PLB1: variants seen among roughly 807,000 people sequenced by gnomAD.
PLB1 encodes phospholipase B1, membrane-associated.
A neutral mutation model predicts 227.4 loss-of-function variants in PLB1; 242 were observed. The observed-to-expected ratio is 1.06, with a 90% CI of 0.96 to 1.18. The LOEUF (loss-of-function observed/expected upper bound fraction) is 1.18. Among genes scored for constraint, PLB1 ranks in the 50% most tolerant of loss-of-function variants. The pLI is 0.00. For missense variants in PLB1, 1,858 were observed against 1,816.3 expected, an observed-to-expected ratio of 1.02 and a Z score of -0.42; for synonymous variants, 757 against 682.2, an observed-to-expected ratio of 1.11 and a Z score of -1.71.
intron 14 of PLB1, among the ~76,000 whole-genome samples, chr2:28,544,932 A>T (rs917622581): frequency 2.6e-5 from 4 of 152,116 alleles, no homozygotes; most frequent in Non-Finnish European, 5.9e-5. Flanking sequence ...GTCCAGGGAG[A>T]GGGCTGGATT....
chr2:28,527,116 A>G (rs1572759545), intron 6 of PLB1, among the ~76,000 whole-genome samples: 1 of 152,216 alleles, frequency 6.6e-6, no homozygotes, highest in South Asian at 2.1e-4. Context: ...GGTGTCTGGG[A>G]AGATAGGATA....
intron 43 of PLB1, among the ~76,000 whole-genome samples, chr2:28,611,264 T>A (rs888250335): frequency 9.2e-5 from 14 of 152,184 alleles, no homozygotes; most frequent in African/African-American, 3.4e-4. Flanking sequence ...CCCCAACCTG[T>A]AGATCTTGTG....
intron 9 of PLB1, among the ~76,000 whole-genome samples, chr2:28,536,663 G>A (rs188035841): frequency 3.9e-5 from 6 of 152,204 alleles, no homozygotes; most frequent in Non-Finnish European, 5.9e-5. Flanking sequence ...AAACCAGGGG[G>A]CAAACGATAC....
intron 9 of PLB1, among the ~76,000 whole-genome samples, chr2:28,535,558 T>C (rs1297147113): frequency 6.6e-6 from 1 of 152,200 alleles, no homozygotes; most frequent in Non-Finnish European, 1.5e-5. Flanking sequence ...GAGAAGTTCT[T>C]ACGTGGCATT....
Position 28,600,821 on chromosome 2 carries a change from C to T in PLB1, c.2487C>T (p.Ser829=), listed in dbSNP as rs753521998. The T allele has an allele frequency of 6.2e-7, 1 of 1,613,318 alleles. No homozygotes were observed. The highest frequency in any genetic ancestry group is 1.1e-5 in the South Asian group (1 of 91,044). ...CTCTCTTTCTCAGGGATCTTATGAGCCAAGTCCAAACTCTGATGCAGAAGA... is the reference window on the plus strand; with the variant it reads ...CTCTCTTTCTCAGGGATCTTATGAGTCAAGTCCAAACTCTGATGCAGAAGA... ...VPGAKAEDLM[S]QVQTLMQKMK... is the part of the protein sequence containing the mutation. The change falls in exon 36 of 58, where the codon AGC becomes AGT. Residue 829 remains serine (S), a synonymous_variant. Transcript: ENST00000327757.
chr2:28,576,013 A>G (rs1304179864), intron 21 of PLB1, among the ~76,000 whole-genome samples: 1 of 152,212 alleles, frequency 6.6e-6, no homozygotes, highest in South Asian at 2.1e-4. Flanking sequence ...AAGCATGATT[A>G]GGTCAGGGAG....
In PLB1 at chr2:28,573,301, G is replaced by C. The variant is rs776639920; in HGVS notation, c.1429G>C (p.Ala477Pro). 66 of 1,612,326 alleles carry C rather than the reference G, an allele frequency of 4.1e-5. No homozygotes were observed. The Middle Eastern group carries it at 8.7e-4, about 21-fold the overall frequency. Reference protein sequence around the residue: ...FLNQAVAGGRAEDLPVQARRL... With the variant: ...FLNQAVAGGRPEDLPVQARRL... ...AAACCAGGCTGTGGCAGGAGGCCGAGCTGAGTAAGCAGGGGTGACCGGGGC... is the reference window on the plus strand; with the variant it reads ...AAACCAGGCTGTGGCAGGAGGCCGACCTGAGTAAGCAGGGGTGACCGGGGC... Residue 477 changes from alanine to proline, a missense_variant, in exon 21 of 58, where the codon GCT becomes CCT. By Grantham distance (27) the Ala-to-Pro change is conservative. Coordinates refer to ENST00000327757, the MANE Select transcript of PLB1 (RefSeq NM_153021.5).
At chr2:28,637,739 T>TCTC (rs1299256077) in intron 56 of PLB1, among the ~76,000 whole-genome samples, 3 of 152,172 alleles carry the variant, frequency 2.0e-5, no homozygotes, top group Non-Finnish European at 4.4e-5. Context: ...TAACTCTTGC[T>TCTC]CTCCTCCTTC....
In PLB1 at chr2:28,528,973, G is replaced by C. The variant is rs545680560; in HGVS notation, c.326-344G>C. ...TTTTTTTTTTTTTTTTTTGAAATAG[G>C]GTCTTGCTCTGTTGCCCAGGCTGGA... is the stretch of plus-strand genomic sequence containing the variant. On this transcript the variant is annotated intron_variant, in intron 6 of 57. Coordinates refer to ENST00000327757, the MANE Select transcript of PLB1 (RefSeq NM_153021.5). 1.1e-4 allele frequency among the ~76,000 whole-genome samples: 16 copies of C among 145,628 alleles called. 1 individual carries two copies. The highest frequency in any genetic ancestry group is 3.4e-4 in the African/African-American group (13 of 38,198).
chr2:28,576,633 G>C (rs753544292), intron 21 of PLB1, among the ~76,000 whole-genome samples: 1 of 152,180 alleles, frequency 6.6e-6, no homozygotes, highest in East Asian at 1.9e-4. Flanking sequence ...GGGAGGCTGA[G>C]GCACGAGAAT....
intron 9 of PLB1, 123 bp downstream of exon 9, chr2:28,532,317 CATGGATGGATGGATGG>C (rs10656827): frequency 8.4e-6 from 5 of 597,762 alleles, no homozygotes; most frequent in Admixed American, 3.5e-5. Context: ...TATTTTAGAA[CATGGATGGATGGATGG>C]ATGGATGGAT....
At chr2:28,604,181 G>A (rs528061063) in intron 40 of PLB1, 134 bp downstream of exon 40, 1 of 800,300 alleles carries the variant, frequency 1.2e-6, no homozygotes, top group Non-Finnish European at 2.1e-6. Flanking sequence ...GAGCAGCCTG[G>A]GTGCCTTCCT....
At chr2:28,532,281 G>C in intron 9 of PLB1, 87 bp downstream of exon 9, 1 of 1,084,330 alleles carries the variant, frequency 9.2e-7, no homozygotes, top group East Asian at 2.5e-5. Flanking sequence ...CCAATCCCCA[G>C]CTGTCAGGAT....
rs958495902 is a variant in PLB1 at position 28,601,315 on chromosome 2, G to A, written c.2590G>A (p.Asp864Asn). 4 of 1,613,962 alleles carry A rather than the reference G, an allele frequency of 2.5e-6. No individual in the cohort carries two copies. The highest frequency in any genetic ancestry group is 3.4e-6 in the Non-Finnish European group (4 of 1,179,966). The part of the protein sequence containing the change: ...TVLIGGSDLC[D>N]YCTDSNLYSA... The stretch of plus-strand genomic sequence containing the variant: ...GCTGATCGGAGGCAGCGATTTATGT[G>A]ACTACTGCACAGATTCGGTAATTGG... Residue 864 changes from aspartate to asparagine, a missense_variant, in exon 37 of 58, where the codon GAC becomes AAC. By Grantham distance (23) the Asp-to-Asn change is conservative. Coordinates refer to ENST00000327757, the MANE Select transcript of PLB1 (RefSeq NM_153021.5).
intron 21 of PLB1, among the ~76,000 whole-genome samples, chr2:28,576,185 A>C (rs911936489): frequency 6.6e-6 from 1 of 152,180 alleles, no homozygotes; most frequent in East Asian, 1.9e-4. Context: ...GTTGGGGGTT[A>C]TTATTCCCGT....
chr2:28,548,432 G>A (rs766818171), intron 14 of PLB1: 10 of 384,680 alleles, frequency 2.6e-5, no homozygotes, highest in Admixed American at 2.2e-4. Flanking sequence ...CGGCCCCCAC[G>A]TGATCAGAAA....
At chr2:28,593,570 C>T (rs983792575) in intron 32 of PLB1, 111 bp from the exon 33 acceptor site, 6 of 858,458 alleles carry the variant, frequency 7.0e-6, no homozygotes, top group South Asian at 1.5e-5. Flanking sequence ...CATGTCTGCT[C>T]CTGCCACCAC....
At chr2:28,559,704 A>G (rs1271687470) in intron 17 of PLB1, among the ~76,000 whole-genome samples, 1 of 149,246 alleles carries the variant, frequency 6.7e-6, no homozygotes, top group Non-Finnish European at 1.5e-5. Flanking sequence ...CTGTGTCAAA[A>G]TCATCTCACC....
intron 13 of PLB1, among the ~76,000 whole-genome samples, chr2:28,542,778 A>C (rs1672692429): frequency 6.6e-6 from 1 of 152,200 alleles, no homozygotes; most frequent in Non-Finnish European, 1.5e-5. Flanking sequence ...GTCTGGGAAC[A>C]GTCCCTCCCT....
Sources: gnomAD v4.1 joint callset for allele counts (sites outside exome capture counted in the v4.1 genomes callset) on GRCh38, gnomAD v4.1.1 for gene constraint, MANE v1.5 for transcripts, NCBI Gene and HGNC (gene_info 2026-07-23, HGNC 2026-07-21) for gene names.